Variants in NELL2 observed in about 807,000 individuals in gnomAD.
The protein encoded by NELL2 is protein kinase C-binding protein NELL2.
Under a neutral mutation model 109.6 loss-of-function variants are expected in NELL2, and 41 were observed. The ratio of observed to expected loss-of-function variants is 0.37; its 90% confidence interval spans 0.29 to 0.49. NELL2 has a LOEUF of 0.49. Among genes scored for constraint, NELL2 ranks in the 20% least tolerant of loss-of-function variants. NELL2 has a pLI of 0.98. For missense variants in NELL2, 900 were observed against 1,008.3 expected, an observed-to-expected ratio of 0.89 and a Z score of 1.45; for synonymous variants, 355 against 344.7, an observed-to-expected ratio of 1.03 and a Z score of -0.33.
chr12:44,629,339 G>T (rs1226068021), intron 13 of NELL2, among the ~76,000 whole-genome samples: 1 of 152,050 alleles, frequency 6.6e-6, no homozygotes, highest in Non-Finnish European at 1.5e-5. Context: ...CCTATTGATA[G>T]GATTATCTAG....
intron 15 of NELL2, among the ~76,000 whole-genome samples, chr12:44,539,488 T>A (rs1201123531): frequency 6.6e-6 from 1 of 152,186 alleles, no homozygotes; most frequent in Non-Finnish European, 1.5e-5. Flanking sequence ...TTCTCTAATA[T>A]TTTACAGATT....
At chr12:44,509,032 A>G (rs1189319723) in intron 19 of NELL2, 48 bp from the exon 20 acceptor site, 3 of 1,479,930 alleles carry the variant, frequency 2.0e-6, no homozygotes, top group South Asian at 2.3e-5. Context: ...TTTTTAAGCC[A>G]TTAGTAAATG....
chr12:44,715,036 T>C (rs1455950639), intron 9 of NELL2, among the ~76,000 whole-genome samples: 1 of 151,832 alleles, frequency 6.6e-6, no homozygotes, highest in Non-Finnish European at 1.5e-5. Flanking sequence ...ACTTGCCTAA[T>C]AGATGATGTC....
At chr12:44,739,804 T>A (rs888359273) in intron 9 of NELL2, among the ~76,000 whole-genome samples, 2 of 152,024 alleles carry the variant, frequency 1.3e-5, no homozygotes, top group African/African-American at 4.8e-5. Flanking sequence ...GGCAGGAGAA[T>A]CCCTTGAACT....
At chr12:44,910,494 T>C (rs1816239512) in intron 1 of NELL2, among the ~76,000 whole-genome samples, 1 of 151,964 alleles carries the variant, frequency 6.6e-6, no homozygotes, top group Admixed American at 6.6e-5. Flanking sequence ...AAGGAGAACT[T>C]ATGCACTGTT....
chr12:44,511,195 A>G (rs1201230677), intron 19 of NELL2, among the ~76,000 whole-genome samples: 3 of 152,174 alleles, frequency 2.0e-5, no homozygotes, highest in Non-Finnish European at 4.4e-5. Context: ...TCTACAAACC[A>G]TATCAATGGC....
chr12:44,876,862 C>T, upstream of NELL2: 4 of 1,299,986 alleles, frequency 3.1e-6, no homozygotes, highest in South Asian at 2.3e-5. Context: ...CTGGTGGGGA[C>T]GGATGGCGAG....
intron 15 of NELL2, among the ~76,000 whole-genome samples, chr12:44,599,402 A>C (rs1206387739): frequency 6.6e-6 from 1 of 152,162 alleles, no homozygotes; most frequent in African/African-American, 2.4e-5. Context: ...AAAGAACCAA[A>C]AGATATGAGA....
At chr12:44,836,073 A>C (rs1944045331) in intron 2 of NELL2, among the ~76,000 whole-genome samples, 1 of 152,238 alleles carries the variant, frequency 6.6e-6, no homozygotes, top group Non-Finnish European at 1.5e-5. Flanking sequence ...AACAGATCAT[A>C]GTTCTGTGAT....
intron 9 of NELL2, among the ~76,000 whole-genome samples, chr12:44,752,168 G>T (rs1465470779): frequency 6.6e-6 from 1 of 152,152 alleles, no homozygotes; most frequent in Non-Finnish European, 1.5e-5. Context: ...GGCTACTCTT[G>T]AATTGATTCA....
chr12:44,659,998 A>T lies in NELL2; in HGVS notation c.1444+5486T>A, dbSNP rs565840777. On this transcript the variant is annotated intron_variant, in intron 13 of 19. Coordinates refer to ENST00000429094, the MANE Select transcript of NELL2 (RefSeq NM_001145108.2). The stretch of plus-strand genomic sequence containing the variant: ...CTCTGCTGCCTCTGCTGAGGCCTGT[A>T]ATTTTATCTTCGGAGAATCATTCAC... 2.0e-5 allele frequency among the ~76,000 whole-genome samples: 3 copies of T among 152,316 alleles called. No individual in the cohort carries two copies. The South Asian group carries it at 6.2e-4, about 32-fold the overall frequency.
chr12:44,873,622 G>C (rs1345317347), intron 2 of NELL2, among the ~76,000 whole-genome samples: 1 of 151,982 alleles, frequency 6.6e-6, no homozygotes, highest in African/African-American at 2.4e-5. Flanking sequence ...TTGTTTATTA[G>C]GAGCTTTAGA....
At chr12:44,635,538 G>A (rs1457235626) in intron 13 of NELL2, among the ~76,000 whole-genome samples, 3 of 152,054 alleles carry the variant, frequency 2.0e-5, no homozygotes, top group African/African-American at 7.3e-5. Flanking sequence ...TATTAAATAG[G>A]AAATCCTTTC....
upstream of NELL2, chr12:44,913,975 A>T (rs1369768551): frequency 8.5e-6 from 3 of 353,522 alleles, no homozygotes; most frequent in Non-Finnish European, 1.6e-5. Context: ...CACATCCCAC[A>T]TCCAATTGCT....
chr12:44,608,777 T>C (rs751680044), intron 14 of NELL2, among the ~76,000 whole-genome samples: 3 of 151,606 alleles, frequency 2.0e-5, no homozygotes, highest in Non-Finnish European at 4.4e-5. Flanking sequence ...TTCAGGTGAT[T>C]TGGGGGAAGT....
chr12:44,608,431 C>T (rs866845115), intron 14 of NELL2, among the ~76,000 whole-genome samples: 17 of 152,102 alleles, frequency 1.1e-4, no homozygotes, highest in Middle Eastern at 6.8e-3. Flanking sequence ...AGGTTGCAGC[C>T]TGTTGATACC....
At chr12:44,829,671 C>T (rs949381573) in intron 2 of NELL2, among the ~76,000 whole-genome samples, 1 of 152,096 alleles carries the variant, frequency 6.6e-6, no homozygotes, top group Non-Finnish European at 1.5e-5. Context: ...ATACTGACAC[C>T]AGTCATTACT....
intron 2 of NELL2, among the ~76,000 whole-genome samples, chr12:44,865,874 G>A (rs1944985249): frequency 2.0e-5 from 3 of 150,142 alleles, no homozygotes; most frequent in Admixed American, 6.6e-5. Context: ...ATCATATCAA[G>A]TACCTTTTCT....
At chr12:44,880,216 C>T (rs879062376), upstream of NELL2, among the ~76,000 whole-genome samples, 1 of 150,138 alleles carries the variant, frequency 6.7e-6, no homozygotes, top group African/African-American at 2.5e-5. Context: ...TGACAGAAAA[C>T]ATAAAATAAG....
Sources: gnomAD v4.1 joint callset for allele counts (sites outside exome capture counted in the v4.1 genomes callset) on GRCh38, gnomAD v4.1.1 for gene constraint, MANE v1.5 for transcripts, NCBI Gene and HGNC (gene_info 2026-07-23, HGNC 2026-07-21) for gene names.